Variants in SYN3 observed in about 807,000 individuals in gnomAD.
SYN3 encodes the protein synapsin-3.
Under a neutral mutation model 65.8 loss-of-function variants are expected in SYN3, and 35 were observed. The observed-to-expected ratio is 0.53, with a 90% confidence interval of 0.41 to 0.70. The LOEUF (loss-of-function observed/expected upper bound fraction) is 0.70. Ranked by LOEUF, SYN3 falls within the 30% of genes least tolerant of loss-of-function variation. The pLI is 0.00. For synonymous variants in SYN3, 270 were observed against 292.9 expected (o/e 0.92, Z 0.80); for missense variants, 680 against 749.0 (o/e 0.91, Z 1.08).
At chr22:32,541,151 C>G (rs971985995) in intron 8 of SYN3, among the ~76,000 whole-genome samples, 1 of 152,124 alleles carries the variant, frequency 6.6e-6, no homozygotes, top group Non-Finnish European at 1.5e-5. Context: ...TCAGAGAAAC[C>G]GTTCTGCACC....
chr22:32,966,233 G>A (rs2051840007), intron 3 of SYN3, among the ~76,000 whole-genome samples: 1 of 152,124 alleles, frequency 6.6e-6, no homozygotes, highest in Non-Finnish European at 1.5e-5. Flanking sequence ...GGATGGAGGG[G>A]GAGGGCAGAG....
At chr22:32,852,969 G>A (rs2048264583) in intron 6 of SYN3, among the ~76,000 whole-genome samples, 1 of 152,222 alleles carries the variant, frequency 6.6e-6, no homozygotes, top group Admixed American at 6.5e-5. Context: ...GGGACAGAAC[G>A]TGGGGGACAT....
intron 1 of SYN3, among the ~76,000 whole-genome samples, chr22:33,048,985 C>A (rs995768813): frequency 2.2e-4 from 34 of 152,140 alleles, no homozygotes; most frequent in African/African-American, 8.0e-4. Context: ...TTTTCTACTT[C>A]TTTTGCTGTA....
rs1196125799 is a variant in SYN3 at position 32,901,505 on chromosome 22, G to GCACAGCT, written c.461+29878_461+29884dup. Reference sequence around the variant, plus strand: ...TATCTTGGTGAACCCTTCCCTCACTGCACAGCTCACAGTCATCCTGCTTGT... The same window carrying GCACAGCT: ...TATCTTGGTGAACCCTTCCCTCACTGCACAGCTCACAGCTCACAGTCATCCTGCTTGT... On this transcript the variant is annotated intron_variant, in intron 4 of 13. Coordinates refer to ENST00000358763, the MANE Select transcript of SYN3 (RefSeq NM_003490.4). 3.9e-5 allele frequency among the ~76,000 whole-genome samples: 6 copies of GCACAGCT among 152,182 alleles called. No homozygotes were observed. In the East Asian group the frequency reaches 5.8e-4, roughly 15 times the overall value.
At chr22:32,852,858 G>A (rs149813320) in intron 6 of SYN3, among the ~76,000 whole-genome samples, 10 of 152,330 alleles carry the variant, frequency 6.6e-5, no homozygotes, top group Non-Finnish European at 1.2e-4. Flanking sequence ...GCTGCTCTAA[G>A]CTGTGGGGAC....
intron 7 of SYN3, among the ~76,000 whole-genome samples, chr22:32,549,840 G>A (rs942257327): frequency 6.7e-6 from 1 of 149,978 alleles, no homozygotes; most frequent in Non-Finnish European, 1.5e-5. Flanking sequence ...AGTGAGCTGA[G>A]ATTGCACCGT....
At chr22:32,971,304 C>A (rs1041629950) in intron 3 of SYN3, among the ~76,000 whole-genome samples, 13 of 152,038 alleles carry the variant, frequency 8.6e-5, no homozygotes, top group Admixed American at 2.6e-4. Flanking sequence ...TTTTTTATCC[C>A]CCCAGCTGGT....
chr22:32,692,475 T>C (rs1212658084), intron 6 of SYN3, among the ~76,000 whole-genome samples: 5 of 152,216 alleles, frequency 3.3e-5, no homozygotes, highest in African/African-American at 1.2e-4. Context: ...TTTATTAGCA[T>C]GCATTCAGGC....
In SYN3 at chr22:32,661,813, A is replaced by G. The variant is rs201145848; in HGVS notation, c.712-65077T>C. ...TATGTCTCATCCAATAACTCTATGT[A>G]CAGATGAGGAAACTGAGGCCTCAAG... On this transcript the variant is annotated intron_variant, in intron 6 of 13. Transcript: ENST00000358763. 3.2e-3 allele frequency among the ~76,000 whole-genome samples: 494 copies of G among 152,312 alleles called. 3 individuals carry two copies. Among genetic ancestry groups the G allele is most frequent in the African/African-American group, 0.011 (475 of 41,568 alleles).
intron 1 of SYN3, among the ~76,000 whole-genome samples, chr22:33,010,695 G>C (rs1297303622): frequency 1.3e-5 from 2 of 152,190 alleles, no homozygotes; most frequent in African/African-American, 4.8e-5. Context: ...GAAAAAGTCT[G>C]TTGGAATATT....
At chr22:32,600,113 A>C (rs1367354123) in intron 6 of SYN3, among the ~76,000 whole-genome samples, 1 of 152,192 alleles carries the variant, frequency 6.6e-6, no homozygotes, top group East Asian at 1.9e-4. Flanking sequence ...CTTGTAATAC[A>C]TGATGAAATA....
intron 6 of SYN3, among the ~76,000 whole-genome samples, chr22:32,856,535 T>A (rs911239195): frequency 5.9e-5 from 9 of 152,194 alleles, no homozygotes; most frequent in African/African-American, 1.9e-4. Context: ...CTTATTTTAT[T>A]GATACATAAT....
chr22:32,679,838 G>GTTTTTTTTTTTTTTTTTTTTTT (rs2060497017), intron 6 of SYN3, among the ~76,000 whole-genome samples: 1 of 6,562 alleles, frequency 1.5e-4, no homozygotes, highest in Non-Finnish European at 2.8e-4. Flanking sequence ...TTGTTTTTTG[G>GTTTTTTTTTTTTTTTTTTTTTT]CTTTTTTTTT....
intron 4 of SYN3, among the ~76,000 whole-genome samples, chr22:32,901,010 A>G (rs559128048): frequency 7.9e-5 from 12 of 152,374 alleles, no homozygotes; most frequent in African/African-American, 2.6e-4. Context: ...TGTTTGCTGA[A>G]TGAGTGTTAG....
intron 6 of SYN3, among the ~76,000 whole-genome samples, chr22:32,628,400 G>A (rs983453402): frequency 2.0e-5 from 3 of 152,148 alleles, no homozygotes; most frequent in African/African-American, 2.4e-5. Flanking sequence ...AGAGGCCCTG[G>A]AAGGACATCT....
At chr22:32,855,734 C>T (rs576096255) in intron 6 of SYN3, among the ~76,000 whole-genome samples, 1 of 152,314 alleles carries the variant, frequency 6.6e-6, no homozygotes, top group African/African-American at 2.4e-5. Context: ...TCCCTACCCT[C>T]TACGAACTGT....
intron 6 of SYN3, among the ~76,000 whole-genome samples, chr22:32,694,872 C>G (rs2060714863): frequency 6.6e-6 from 1 of 152,216 alleles, no homozygotes; most frequent in Non-Finnish European, 1.5e-5. Flanking sequence ...TGTCTTTCAG[C>G]TACTTTATAC....
intron 2 of SYN3, among the ~76,000 whole-genome samples, chr22:32,990,407 G>T (rs12167836): frequency 0.021 from 3,105 of 144,596 alleles, 52 homozygotes; most frequent in Middle Eastern, 0.042. Context: ...CATCCATCCA[G>T]CCATCCATCC....
chr22:32,547,136 C>A (rs569753321), intron 7 of SYN3, among the ~76,000 whole-genome samples: 86 of 152,170 alleles, frequency 5.7e-4, no homozygotes, highest in African/African-American at 1.8e-3. Flanking sequence ...TGACATCACG[C>A]CTGGCTGTTT....
Sources: gnomAD v4.1 joint callset for allele counts (sites outside exome capture counted in the v4.1 genomes callset) on GRCh38, gnomAD v4.1.1 for gene constraint, MANE v1.5 for transcripts, NCBI Gene and HGNC (gene_info 2026-07-23, HGNC 2026-07-21) for gene names.